MALT1: variants seen among roughly 807,000 people sequenced by gnomAD.
MALT1 encodes mucosa-associated lymphoid tissue lymphoma translocation protein 1.
A neutral mutation model predicts 85.5 loss-of-function variants in MALT1; 36 were observed. The ratio of observed to expected loss-of-function variants is 0.42; its 90% CI spans 0.32 to 0.56. The LOEUF is 0.56. MALT1 is among the 20% of genes least tolerant of loss of function. The pLI is 0.10. For missense variants in MALT1, 716 were observed against 981.6 expected (o/e 0.73, Z 3.62); for synonymous variants, 359 against 361.3 (o/e 0.99, Z 0.07).
At chr18:58,681,070 C>T in intron 1 of MALT1, 100 bp from the exon 2 acceptor site, 4 of 977,042 alleles carry the variant, frequency 4.1e-6, no homozygotes, top group East Asian at 2.6e-5. Flanking sequence ...CACCCACTCA[C>T]TTGTGATTTA....
chr18:58,706,434 C>T (rs1372051799), intron 4 of MALT1, among the ~76,000 whole-genome samples: 6 of 152,244 alleles, frequency 3.9e-5, no homozygotes, highest in Admixed American at 3.9e-4. Flanking sequence ...GGATTACAGG[C>T]GTGAGCCACC....
intron 2 of MALT1, among the ~76,000 whole-genome samples, chr18:58,689,013 A>G (rs1355376137): frequency 1.3e-5 from 2 of 152,086 alleles, no homozygotes; most frequent in African/African-American, 2.4e-5. Flanking sequence ...TTAGCCGGGT[A>G]TGGTGATGCA....
chr18:58,690,357 C>T, intron 2 of MALT1: 1 of 152,686 alleles, frequency 6.5e-6, no homozygotes, highest in South Asian at 2.0e-4. Flanking sequence ...ATGGTGTTGG[C>T]AGATCAGTAT....
chr18:58,700,314 T>C, intron 3 of MALT1, 127 bp from the exon 4 acceptor site: 1 of 631,900 alleles, frequency 1.6e-6, no homozygotes. Flanking sequence ...CTCAGAAATG[T>C]TTTAGAACTT....
intron 9 of MALT1, among the ~76,000 whole-genome samples, chr18:58,721,529 A>G (rs543370516): frequency 6.6e-5 from 10 of 152,228 alleles, no homozygotes; most frequent in Non-Finnish European, 7.3e-5. Context: ...GCAGTTGGCT[A>G]GAAATCTCTG....
chr18:58,734,431 T>C, intron 12 of MALT1, 50 bp downstream of exon 12: 1 of 1,480,624 alleles, frequency 6.8e-7, no homozygotes, highest in South Asian at 1.1e-5. Context: ...GTTTGATGTC[T>C]TTTTGTTTTT....
chr18:58,737,180 A>T (rs572631081), intron 13 of MALT1, among the ~76,000 whole-genome samples: 14 of 150,842 alleles, frequency 9.3e-5, no homozygotes, highest in Admixed American at 3.3e-4. Flanking sequence ...ATCTCAATTT[A>T]AAAAAAAAAT....
chr18:58,713,014 C>T (rs933157332), intron 7 of MALT1, among the ~76,000 whole-genome samples: 5 of 152,012 alleles, frequency 3.3e-5, no homozygotes, highest in African/African-American at 1.2e-4. Flanking sequence ...ATGTATGGTA[C>T]AGCCTCACTG....
intron 3 of MALT1, among the ~76,000 whole-genome samples, chr18:58,699,111 G>A (rs2054635689): frequency 6.6e-6 from 1 of 152,206 alleles, no homozygotes; most frequent in South Asian, 2.1e-4. Context: ...GGGGTTCTGA[G>A]TGGGTCTCCA....
intron 3 of MALT1, among the ~76,000 whole-genome samples, chr18:58,699,872 T>C (rs1035636490): frequency 6.6e-5 from 10 of 152,234 alleles, no homozygotes; most frequent in African/African-American, 2.2e-4. Flanking sequence ...TACTGTCTCA[T>C]TGATATGCTT....
intron 4 of MALT1, among the ~76,000 whole-genome samples, chr18:58,708,564 G>A (rs2054789619): frequency 6.6e-6 from 1 of 152,160 alleles, no homozygotes; most frequent in African/African-American, 2.4e-5. Flanking sequence ...ACATTTGTGT[G>A]GGGTGGGAGG....
At chr18:58,705,788 T>C (rs1329662234) in intron 4 of MALT1, among the ~76,000 whole-genome samples, 4 of 152,180 alleles carry the variant, frequency 2.6e-5, no homozygotes, top group Non-Finnish European at 5.9e-5. Flanking sequence ...TAAACATACG[T>C]GTGCATGTGT....
In MALT1 at chr18:58,748,509, G is replaced by GA. The variant is rs1204526831; in HGVS notation, c.*669dup. The GA allele has an allele frequency of 5.4e-6, 1 of 185,284 alleles. No individual in the cohort carries two copies. The highest frequency in any genetic ancestry group is 1.1e-5 in the Non-Finnish European group (1 of 87,262). The allele number at this position is 185,284 out of a possible 1,614,324, so 11.5% of individuals were successfully genotyped here. A position where few individuals can be genotyped will look rare whatever the true frequency, so the allele number is the denominator to read the frequency against. Reference sequence around the variant, plus strand: ...GAGGTTTGTATATAAATCTGTTATAGAACAGGCTGAAATTTCTTGTTCATA... The same window carrying GA: ...GAGGTTTGTATATAAATCTGTTATAGAAACAGGCTGAAATTTCTTGTTCATA... On this transcript the variant is annotated 3_prime_UTR_variant, in exon 17 of 17. Transcript: ENST00000649217.
In MALT1 at chr18:58,696,315, GA is replaced by G. The variant is rs2054586804; in HGVS notation, c.377-47del. The G allele has an allele frequency of 9.2e-6, 12 of 1,303,094 alleles. No homozygotes were observed. In the South Asian group the frequency reaches 2.6e-4, roughly 28 times the overall value. 80.7% of individuals were successfully genotyped at this position (1,303,094 alleles called of 1,614,324 possible). A position where few individuals can be genotyped will look rare whatever the true frequency, so the allele number is the denominator to read the frequency against. On this transcript the variant is annotated intron_variant, in intron 2 of 16. Coordinates refer to ENST00000649217, the MANE Select transcript of MALT1 (RefSeq NM_006785.4). ...TTTTGGTTTCAGATGTATAAACAAG[GA>G]AAATCCCTCTTGTGACTTTAATTTT...
chr18:58,678,321 TTA>T (rs2054270903), intron 1 of MALT1, among the ~76,000 whole-genome samples: 1 of 152,250 alleles, frequency 6.6e-6, no homozygotes, highest in Admixed American at 6.5e-5. Context: ...CCTGGCACTA[TTA>T]TGTTTCACCT....
intron 1 of MALT1, among the ~76,000 whole-genome samples, chr18:58,676,973 TA>T (rs1426256476): frequency 6.6e-6 from 1 of 152,212 alleles, no homozygotes; most frequent in African/African-American, 2.4e-5. Context: ...TATATTTTTT[TA>T]AAGATAAAAA....
At chr18:58,743,417 T>G (rs890991998) in intron 14 of MALT1, among the ~76,000 whole-genome samples, 1 of 152,176 alleles carries the variant, frequency 6.6e-6, no homozygotes, top group Admixed American at 6.5e-5. Flanking sequence ...TTTAGTAAAT[T>G]AACATATTAA....
At chr18:58,724,033 G>A (rs2055020355) in intron 10 of MALT1, among the ~76,000 whole-genome samples, 1 of 152,162 alleles carries the variant, frequency 6.6e-6, no homozygotes, top group African/African-American at 2.4e-5. Context: ...AGATTGCCAG[G>A]GAAGTGACAT....
chr18:58,736,564 T>G lies in MALT1; in HGVS notation c.1603+1235T>G, dbSNP rs557758254. Among the ~76,000 whole-genome samples the G allele has an allele frequency of 2.0e-5, 3 of 152,356 alleles. No homozygotes were observed. The South Asian group carries it at 6.2e-4, about 32-fold the overall frequency. On this transcript the variant is annotated intron_variant, in intron 13 of 16. Coordinates refer to ENST00000649217, the MANE Select transcript of MALT1 (RefSeq NM_006785.4). ...TTTCAATTTCGTTTTTAAGTCCATT[T>G]TAACTATTTTAAAACTTAATAAAAA...
Sources: allele counts gnomAD v4.1 joint callset (sites outside exome capture counted in the v4.1 genomes callset), GRCh38; gene constraint gnomAD v4.1.1; transcripts MANE v1.5; gene names NCBI Gene and HGNC (gene_info 2026-07-23, HGNC 2026-07-21).